The following PIEZO2 variants were observed in gnomAD, a reference collection of about 807,000 sequenced individuals.
PIEZO2 encodes the protein piezo type mechanosensitive ion channel component 2.
A neutral mutation model predicts 337.3 loss-of-function variants in PIEZO2; 172 were observed. That is an observed-to-expected ratio of 0.51 (90% confidence interval 0.45 to 0.58). The LOEUF (loss-of-function observed/expected upper bound fraction) is 0.58. Ranked by LOEUF, PIEZO2 falls within the 20% of genes least tolerant of loss-of-function variation. PIEZO2 has a pLI of 0.00. For synonymous variants in PIEZO2, 1,251 were observed against 1,228.5 expected (o/e 1.02, Z -0.38); for missense variants, 3,028 against 3,391.3 (o/e 0.89, Z 2.66).
intron 7 of PIEZO2, among the ~76,000 whole-genome samples, chr18:10,835,709 A>G (rs1434067886): frequency 6.6e-6 from 1 of 152,120 alleles, no homozygotes; most frequent in East Asian, 1.9e-4. Flanking sequence ...ACACCTGGCA[A>G]ATTTTTGTAT....
At chr18:10,959,921 T>G (rs1453279021) in intron 3 of PIEZO2, among the ~76,000 whole-genome samples, 1 of 152,220 alleles carries the variant, frequency 6.6e-6, no homozygotes, top group Non-Finnish European at 1.5e-5. Flanking sequence ...ACAGCTCTTA[T>G]TTCCTAAACA....
chr18:10,723,690 G>A (rs2063189697), intron 36 of PIEZO2, among the ~76,000 whole-genome samples: 1 of 152,150 alleles, frequency 6.6e-6, no homozygotes, highest in African/African-American at 2.4e-5. Flanking sequence ...AGTCTCTGGG[G>A]GGAGACGGGA....
chr18:10,677,865 G>A lies in PIEZO2; in HGVS notation c.7963C>T (p.Leu2655=). 1 of 1,572,650 alleles carries A rather than the reference G, an allele frequency of 6.4e-7. No homozygotes were observed. Among genetic ancestry groups the A allele is most frequent in the South Asian group, 1.2e-5 (1 of 84,286 alleles). ...GTTGCTATTTCCGATTTTGCACCCA[G>A]ACTTAAGTTTCTGTGAAGAAAAAAA... ...FSWSIQRNLS[L]GAKSEIATDK... Residue 2655 remains leucine, a synonymous_variant, in exon 53 of 56, where the codon CTG becomes TTG. Coordinates refer to ENST00000674853, the MANE Select transcript of PIEZO2 (RefSeq NM_001378183.1). This position sits in a 1 kb window ranked among gnomAD's most constrained non-coding sequence, Gnocchi z 4.1.
At chr18:11,108,227 A>C (rs1395783817) in intron 1 of PIEZO2, among the ~76,000 whole-genome samples, 1 of 152,240 alleles carries the variant, frequency 6.6e-6, no homozygotes. Context: ...TTTCTTCTTA[A>C]AACATAGCCA....
chr18:10,931,971 A>G (rs2032116959), intron 3 of PIEZO2, among the ~76,000 whole-genome samples: 1 of 152,120 alleles, frequency 6.6e-6, no homozygotes, highest in South Asian at 2.1e-4. Flanking sequence ...CCCTTTACAC[A>G]TCCTTAGATA....
chr18:10,816,232 A>G (rs1263526138), intron 7 of PIEZO2, among the ~76,000 whole-genome samples: 3 of 152,168 alleles, frequency 2.0e-5, no homozygotes, highest in Non-Finnish European at 2.9e-5. Context: ...TGAACCTAAT[A>G]TCTGTAATTC....
At chr18:10,935,877 C>G (rs534625557) in intron 3 of PIEZO2, among the ~76,000 whole-genome samples, 186 of 152,308 alleles carry the variant, frequency 1.2e-3, no homozygotes, top group African/African-American at 4.2e-3. Flanking sequence ...TTTCTTGAAC[C>G]CACATTTACT....
Position 10,742,798 on chromosome 18 carries a change from T to TTTTG in PIEZO2, c.4515-184_4515-183insCAAA. On this transcript the variant is annotated intron_variant, in intron 31 of 55. Coordinates refer to ENST00000674853, the MANE Select transcript of PIEZO2 (RefSeq NM_001378183.1). Reference sequence around the variant, plus strand: ...GATCTCCTTTCTTTTATATACATATTTGTGTGTGTGTGTGTGTGTGTGTGT... The same window carrying TTTTG: ...GATCTCCTTTCTTTTATATACATATTTTTGTGTGTGTGTGTGTGTGTGTGTGTGT... Among the ~76,000 whole-genome samples, 2 of 115,624 alleles carry TTTTG rather than the reference T, an allele frequency of 1.7e-5. 1 individual carries two copies. Among genetic ancestry groups the TTTTG allele is most frequent in the South Asian group, 4.9e-4 (2 of 4,070 alleles). The allele number at this position is 115,624 out of a possible 152,430, so 75.9% of individuals were successfully genotyped here. A position where few individuals can be genotyped will look rare whatever the true frequency, so the allele number is the denominator to read the frequency against.
At chr18:10,752,024 G>A (rs989245155) in intron 28 of PIEZO2, among the ~76,000 whole-genome samples, 1 of 152,138 alleles carries the variant, frequency 6.6e-6, no homozygotes, top group Non-Finnish European at 1.5e-5. Flanking sequence ...TCCCTCAACC[G>A]TACATTGCTC....
chr18:11,138,575 G>A (rs1040156135), intron 1 of PIEZO2, among the ~76,000 whole-genome samples: 14 of 152,168 alleles, frequency 9.2e-5, no homozygotes, highest in African/African-American at 2.7e-4. Flanking sequence ...GATTACAGGC[G>A]TGAGCCACCA....
At chr18:10,703,613 AT>A (rs1462654339) in intron 42 of PIEZO2, among the ~76,000 whole-genome samples, 1 of 152,180 alleles carries the variant, frequency 6.6e-6, no homozygotes, top group Non-Finnish European at 1.5e-5. Flanking sequence ...AGGGAAGAAA[AT>A]CAGTCTCTTC....
At chr18:10,718,341 GA>G in intron 36 of PIEZO2, 82 bp from the exon 37 acceptor site, 1 of 1,198,648 alleles carries the variant, frequency 8.3e-7, no homozygotes, top group Non-Finnish European at 1.2e-6. Flanking sequence ...AGATTAAAAG[GA>G]ATTTTGTAAT....
At chr18:10,812,020 A>G (rs1023430220) in intron 7 of PIEZO2, among the ~76,000 whole-genome samples, 2 of 152,150 alleles carry the variant, frequency 1.3e-5, no homozygotes, top group African/African-American at 4.8e-5. Context: ...TTTTTAGTAG[A>G]GACGGGGTTT....
chr18:10,711,652 G>A (rs1274361565), intron 39 of PIEZO2, among the ~76,000 whole-genome samples: 1 of 152,166 alleles, frequency 6.6e-6, no homozygotes, highest in Non-Finnish European at 1.5e-5. Flanking sequence ...GAAGCAAGAA[G>A]GGAGGTTAAA....
intron 1 of PIEZO2, among the ~76,000 whole-genome samples, chr18:11,140,836 A>G (rs567881425): frequency 1.3e-5 from 2 of 152,336 alleles, no homozygotes; most frequent in South Asian, 4.1e-4. Context: ...GAAGATTCCT[A>G]CACTCAGGCT....
rs2034455786 is a variant in PIEZO2 at position 10,684,499 on chromosome 18, C to T, written c.7498-2207G>A. On this transcript the variant is annotated intron_variant, in intron 49 of 55. Transcript: ENST00000674853. Reference sequence around the variant, plus strand: ...TTTTTTTTTTCTTGATGGAGTCTTGCTGTCGCCCAGGCTGGGGTGCGGTGG... The same window carrying T: ...TTTTTTTTTTCTTGATGGAGTCTTGTTGTCGCCCAGGCTGGGGTGCGGTGG... 2.2e-5 allele frequency among the ~76,000 whole-genome samples: 3 copies of T among 136,004 alleles called. 1 individual carries two copies. In the South Asian group the frequency reaches 7.1e-4, roughly 32 times the overall value. The allele number at this position is 136,004 out of a possible 152,430, so 89.2% of individuals were successfully genotyped here.
In PIEZO2 at chr18:10,993,532, T is replaced by C. The variant is rs140000614; in HGVS notation, c.161-13872A>G. On this transcript the variant is annotated intron_variant, in intron 2 of 55. Coordinates refer to ENST00000674853, the MANE Select transcript of PIEZO2 (RefSeq NM_001378183.1). This position sits in a 1 kb window ranked among gnomAD's most constrained non-coding sequence, Gnocchi z 5.0. ...TACGTTTTTGTTGTTGTTGTTGTTGTTGTTGTTGTTTTGAGGCGGAGTCTC... is the reference window on the plus strand; with the variant it reads ...TACGTTTTTGTTGTTGTTGTTGTTGCTGTTGTTGTTTTGAGGCGGAGTCTC... 0.055 allele frequency among the ~76,000 whole-genome samples: 8,390 copies of C among 152,200 alleles called. 510 individuals are homozygous for C. Among genetic ancestry groups the C allele is most frequent in the African/African-American group, 0.15 (6,120 of 41,494 alleles).
rs2145243383 is a variant in PIEZO2 at position 10,940,121 on chromosome 18, A to C, written c.287-28893T>G. 6.6e-6 allele frequency among the ~76,000 whole-genome samples: 1 copy of C among 152,318 alleles called. No homozygotes were observed. The highest frequency in any genetic ancestry group is 2.1e-4 in the South Asian group (1 of 4,814). On this transcript the variant is annotated intron_variant, in intron 3 of 55. Coordinates refer to ENST00000674853, the MANE Select transcript of PIEZO2 (RefSeq NM_001378183.1). The surrounding 1 kb of genome is among the most constrained non-coding windows in gnomAD (Gnocchi z 5.3). The stretch of plus-strand genomic sequence containing the variant: ...GTGGTTCGCCAGCCTTTCCTACAAA[A>C]AAACACACTTCAGAGGAGGCTTTGG...
intron 2 of PIEZO2, among the ~76,000 whole-genome samples, chr18:11,019,939 G>A (rs1209569547): frequency 2.0e-5 from 3 of 152,150 alleles, no homozygotes; most frequent in Admixed American, 2.0e-4. Context: ...CTCCAGTACT[G>A]GAGGCTGTGC....
Sources: allele counts gnomAD v4.1 joint callset (sites outside exome capture counted in the v4.1 genomes callset), GRCh38; gene constraint gnomAD v4.1.1; non-coding constraint Gnocchi (gnomAD v3.1); transcripts MANE v1.5; gene names NCBI Gene and HGNC (gene_info 2026-07-23, HGNC 2026-07-21).